The following PDE8A variants were observed in gnomAD, a reference collection of about 807,000 sequenced individuals.
The protein encoded by PDE8A is phosphodiesterase 8A.
PDE8A carries 59 observed loss-of-function variants against 105.0 expected under a neutral mutation model. That is an observed-to-expected ratio of 0.56 (90% CI 0.46 to 0.70). The LOEUF (loss-of-function observed/expected upper bound fraction) is 0.70. PDE8A is among the 30% of genes least tolerant of loss of function. The pLI is 0.00. For synonymous variants in PDE8A, 355 were observed against 371.9 expected, an observed-to-expected ratio of 0.95 and a Z score of 0.52; for missense variants, 1,014 against 1,045.9, an observed-to-expected ratio of 0.97 and a Z score of 0.42.
intron 1 of PDE8A, among the ~76,000 whole-genome samples, chr15:85,026,797 A>C (rs1046333475): frequency 6.6e-6 from 1 of 152,186 alleles, no homozygotes; most frequent in African/African-American, 2.4e-5. Context: ...AAAAAAACTA[A>C]ATTTAAAAAA....
intron 1 of PDE8A, among the ~76,000 whole-genome samples, chr15:85,022,541 T>C (rs546673124): frequency 1.4e-4 from 1 of 7,396 alleles, no homozygotes; most frequent in South Asian, 2.3e-3. Flanking sequence ...ATATGCAAAA[T>C]TTTTTTTTTT....
chr15:85,105,957 T>A (rs1413744553), intron 11 of PDE8A, among the ~76,000 whole-genome samples: 2 of 152,124 alleles, frequency 1.3e-5, no homozygotes, highest in African/African-American at 4.8e-5. Context: ...ACGTGGTCCA[T>A]CTCTACCCAC....
At chr15:84,982,377 CCG>C in intron 1 of PDE8A, 29 bp downstream of exon 1, 2 of 1,284,006 alleles carry the variant, frequency 1.6e-6, no homozygotes, top group Non-Finnish European at 2.0e-6. Flanking sequence ...TCTGGGGCCG[CCG>C]CGAAACTCGG....
At chr15:85,134,620 C>T (rs1256565589) in intron 20 of PDE8A, among the ~76,000 whole-genome samples, 1 of 152,106 alleles carries the variant, frequency 6.6e-6, no homozygotes, top group Non-Finnish European at 1.5e-5. Flanking sequence ...TTTGCTCAGT[C>T]CCACAGTCTA....
chr15:85,002,098 T>G (rs945105739), intron 1 of PDE8A, among the ~76,000 whole-genome samples: 6 of 152,030 alleles, frequency 3.9e-5, no homozygotes, highest in African/African-American at 1.5e-4. Flanking sequence ...AGCTTTTCAG[T>G]TTGTGGACAC....
intron 20 of PDE8A, among the ~76,000 whole-genome samples, chr15:85,134,957 A>C (rs961748542): frequency 3.3e-5 from 5 of 152,116 alleles, no homozygotes; most frequent in African/African-American, 1.2e-4. Context: ...GACTTTAGGG[A>C]GCTCCACGCA....
At chr15:85,026,358 T>C (rs1208828572) in intron 1 of PDE8A, among the ~76,000 whole-genome samples, 1 of 152,112 alleles carries the variant, frequency 6.6e-6, no homozygotes, top group Non-Finnish European at 1.5e-5. Context: ...TGGAATCAGC[T>C]GGGACCAATG....
chr15:85,111,573 C>G (rs1036733451), intron 12 of PDE8A, among the ~76,000 whole-genome samples: 2 of 152,184 alleles, frequency 1.3e-5, no homozygotes, highest in Non-Finnish European at 2.9e-5. Flanking sequence ...TACGCTTGTA[C>G]CAATATCACA....
At chr15:85,057,900 T>C (rs1286512633) in intron 1 of PDE8A, among the ~76,000 whole-genome samples, 1 of 152,230 alleles carries the variant, frequency 6.6e-6, no homozygotes, top group Non-Finnish European at 1.5e-5. Context: ...CACTTAGTCA[T>C]GGTGTATAAT....
At chr15:84,985,626 C>A (rs1175064207) in intron 1 of PDE8A, among the ~76,000 whole-genome samples, 1 of 152,180 alleles carries the variant, frequency 6.6e-6, no homozygotes, top group Non-Finnish European at 1.5e-5. Flanking sequence ...TCCCCACACC[C>A]CAACTAATCA....
chr15:85,000,737 G>T (rs1474451960), intron 1 of PDE8A, among the ~76,000 whole-genome samples: 1 of 152,190 alleles, frequency 6.6e-6, no homozygotes, highest in African/African-American at 2.4e-5. Flanking sequence ...GTTTCTAAAT[G>T]GTGGCAGTGA....
At chr15:85,087,169 T>C (rs2081567850) in intron 6 of PDE8A, among the ~76,000 whole-genome samples, 1 of 152,086 alleles carries the variant, frequency 6.6e-6, no homozygotes, top group Non-Finnish European at 1.5e-5. Flanking sequence ...TGAGACAGTT[T>C]AGTAATACCA....
chr15:85,015,760 C>T (rs1271275936), intron 1 of PDE8A, among the ~76,000 whole-genome samples: 6 of 152,142 alleles, frequency 3.9e-5, no homozygotes, highest in South Asian at 2.1e-4. Context: ...TCCAAAGGGT[C>T]GTTTGTATTT....
intron 5 of PDE8A, among the ~76,000 whole-genome samples, chr15:85,079,636 G>C (rs2081433487): frequency 6.6e-6 from 1 of 152,214 alleles, no homozygotes; most frequent in African/African-American, 2.4e-5. Flanking sequence ...AAGCAGGCTG[G>C]GCACGGTGGC....
At chr15:85,127,041 T>A (rs1305176159) in intron 20 of PDE8A, among the ~76,000 whole-genome samples, 1 of 151,942 alleles carries the variant, frequency 6.6e-6, no homozygotes, top group Admixed American at 6.6e-5. Flanking sequence ...ACAAAAAAAT[T>A]AAAAGTTAGC....
chr15:85,117,949 C>T, intron 17 of PDE8A, 110 bp downstream of exon 17: 1 of 888,206 alleles, frequency 1.1e-6, no homozygotes, highest in Middle Eastern at 2.2e-4. Flanking sequence ...TGCAGCCTGG[C>T]ACAGGAAGGG....
intron 17 of PDE8A, among the ~76,000 whole-genome samples, chr15:85,119,796 A>C (rs1262989270): frequency 6.6e-6 from 1 of 152,196 alleles, no homozygotes; most frequent in East Asian, 1.9e-4. Context: ...ATAAAACCAA[A>C]AATGACATTA....
intron 1 of PDE8A, among the ~76,000 whole-genome samples, chr15:85,041,446 G>A (rs373524288): frequency 1.2e-4 from 19 of 152,346 alleles, no homozygotes; most frequent in East Asian, 5.8e-4. Context: ...GGTGCTGGAT[G>A]TCCTCTGCAC....
At chr15:85,079,377 T>C (rs150866529) in intron 5 of PDE8A, among the ~76,000 whole-genome samples, 15 of 152,320 alleles carry the variant, frequency 9.8e-5, no homozygotes, top group African/African-American at 3.4e-4. Flanking sequence ...AAATGTTCTA[T>C]GTGGGAAATA....
Sources: gnomAD v4.1 joint callset for allele counts (sites outside exome capture counted in the v4.1 genomes callset) on GRCh38, gnomAD v4.1.1 for gene constraint, MANE v1.5 for transcripts, NCBI Gene and HGNC (gene_info 2026-07-23, HGNC 2026-07-21) for gene names.